SLC38A11: variants seen among roughly 807,000 people sequenced by gnomAD.
The protein encoded by SLC38A11 is putative sodium-coupled neutral amino acid transporter 11.
SLC38A11 carries 51 observed loss-of-function variants against 49.4 expected under a neutral mutation model. That is an observed-to-expected ratio of 1.03 (90% CI 0.83 to 1.30). SLC38A11 has a LOEUF of 1.30. Ranked by LOEUF, SLC38A11 falls within the 50% of genes most tolerant of loss-of-function variation. The pLI, the probability that SLC38A11 is intolerant of heterozygous loss-of-function variation, is 0.00. For missense variants in SLC38A11, 574 were observed against 556.2 expected, an observed-to-expected ratio of 1.03 and a Z score of -0.32; for synonymous variants, 203 against 192.9, an observed-to-expected ratio of 1.05 and a Z score of -0.43.
chr2:164,933,268 C>T (rs1687134166), intron 7 of SLC38A11, among the ~76,000 whole-genome samples: 1 of 151,644 alleles, frequency 6.6e-6, no homozygotes, highest in South Asian at 2.1e-4. Context: ...AGTGATAATG[C>T]CTCTGATTCT....
Position 164,955,255 on chromosome 2 carries a change from C to T in SLC38A11, c.-8G>A. ...CTGCCTCTGGTAGCCCATGGCTGAG[C>T]GGTGGTCCTCAGCAGGTGGAAGATG... On this transcript the variant is annotated 5_prime_UTR_variant, in exon 1 of 12. Transcript: ENST00000685975. The T allele has an allele frequency of 6.5e-7, 1 of 1,550,350 alleles. No individual in the cohort carries two copies.
At chr2:164,945,803 C>T (rs918163816) in intron 3 of SLC38A11, 76 bp from the exon 4 acceptor site, 7 of 1,495,586 alleles carry the variant, frequency 4.7e-6, no homozygotes, top group South Asian at 2.5e-5. Context: ...TAATTACCAT[C>T]GAGAAAAGGG....
At position 164,897,380 on chromosome 2, in the gene SLC38A11, T is replaced by A. The variant is rs1343397888; in HGVS notation, c.*1057A>T. Reference sequence around the variant, plus strand: ...AGTATCAAAACTGGGCTATTACCCTTGAACAGGGACAACTCTGATGGGTCA... The same window carrying A: ...AGTATCAAAACTGGGCTATTACCCTAGAACAGGGACAACTCTGATGGGTCA... On this transcript the variant is annotated 3_prime_UTR_variant, in exon 12 of 12. Transcript: ENST00000685975. 6.6e-6 allele frequency: 1 copy of A among 152,238 alleles called. No homozygotes were observed. Among genetic ancestry groups the A allele is most frequent in the Admixed American group, 6.5e-5 (1 of 15,270 alleles). 9.4% of individuals were successfully genotyped at this position (152,238 alleles called of 1,614,324 possible).
rs1684411682 is a variant in SLC38A11, at chr2:164,897,949, A to G, written c.*488T>C. On this transcript the variant is annotated 3_prime_UTR_variant, in exon 12 of 12. Coordinates refer to ENST00000685975, the MANE Select transcript of SLC38A11 (RefSeq NM_001351537.2). ...CCTTTAAACAAAGGATGCTGCTGAA[A>G]TTATAACGGAGAGCTCCTCTTTGTT... 1 of 152,800 alleles carries G rather than the reference A, an allele frequency of 6.5e-6. No homozygotes were observed. Among genetic ancestry groups the G allele is most frequent in the Non-Finnish European group, 1.5e-5 (1 of 68,656 alleles). 9.5% of individuals were successfully genotyped at this position (152,800 alleles called of 1,614,324 possible).
chr2:164,895,474 A>G lies in SLC38A11; in HGVS notation c.*2963T>C, dbSNP rs1025713061. Among the ~76,000 whole-genome samples the G allele has an allele frequency of 6.6e-6, 1 of 152,162 alleles. No homozygotes were observed. Among genetic ancestry groups the G allele is most frequent in the Non-Finnish European group, 1.5e-5 (1 of 68,028 alleles). On this transcript the variant is annotated 3_prime_UTR_variant, in exon 12 of 12. Coordinates refer to ENST00000685975, the MANE Select transcript of SLC38A11 (RefSeq NM_001351537.2). The stretch of plus-strand genomic sequence containing the variant: ...AAGACAGACTATTATTCCTTTCCTA[A>G]GCAAGGCTATAGCAGATAAACCAGG...
chr2:164,917,043 G>A (rs1685845668), intron 7 of SLC38A11, among the ~76,000 whole-genome samples: 2 of 152,064 alleles, frequency 1.3e-5, no homozygotes, highest in South Asian at 4.1e-4. Context: ...CATAGCACAT[G>A]TTCAATAAAC....
chr2:164,955,240 T>G lies in SLC38A11; in HGVS notation c.8A>C (p.Tyr3Ser). MG[Y>S]QRQEPVIPPQ... ...CGGGATGACAGGCTCCTGCCTCTGG[T>G]AGCCCATGGCTGAGCGGTGGTCCTC... The change falls in exon 1 of 12, where the codon TAC becomes TCC. Residue 3 changes from tyrosine (Y) to serine (S), a missense_variant. Transcript: ENST00000685975. 1 of 1,550,564 alleles carries G rather than the reference T, an allele frequency of 6.4e-7. No homozygotes were observed. The highest frequency in any genetic ancestry group is 8.7e-7 in the Non-Finnish European group (1 of 1,146,980).
At chr2:164,944,870 AC>A (rs1460119490) in intron 4 of SLC38A11, among the ~76,000 whole-genome samples, 1 of 152,184 alleles carries the variant, frequency 6.6e-6, no homozygotes, top group Non-Finnish European at 1.5e-5. Flanking sequence ...ATCTCAGAAT[AC>A]CTTTAAGTAG....
chr2:164,902,647 A>C (rs1684734706), intron 11 of SLC38A11, among the ~76,000 whole-genome samples: 1 of 152,140 alleles, frequency 6.6e-6, no homozygotes, highest in African/African-American at 2.4e-5. Context: ...TAAAATTATA[A>C]ATTGTACCTT....
Position 164,944,648 on chromosome 2 carries a change from T to G in SLC38A11, c.365-14A>C, listed in dbSNP as rs1482761132. The G allele has an allele frequency of 1.8e-6, 2 of 1,120,414 alleles. No individual in the cohort carries two copies. The highest frequency in any genetic ancestry group is 2.4e-6 in the Non-Finnish European group (2 of 842,214). 69.4% of individuals were successfully genotyped at this position (1,120,414 alleles called of 1,614,324 possible). On this transcript the variant is annotated splice_polypyrimidine_tract_variant and intron_variant, in intron 4 of 11. Coordinates refer to ENST00000685975, the MANE Select transcript of SLC38A11 (RefSeq NM_001351537.2). ...AACTTATCATTGCTAAAAACATAAT[T>G]AAAATAAGAGTCATCAATAAGCCAT... is the stretch of plus-strand genomic sequence containing the variant.
At chr2:164,909,780 A>C (rs978233524) in intron 10 of SLC38A11, among the ~76,000 whole-genome samples, 6 of 152,058 alleles carry the variant, frequency 3.9e-5, no homozygotes, top group Admixed American at 3.3e-4. Flanking sequence ...GAAATAACAG[A>C]AGGTCAGATA....
At chr2:164,925,806 T>C (rs1321232827) in intron 7 of SLC38A11, among the ~76,000 whole-genome samples, 1 of 152,154 alleles carries the variant, frequency 6.6e-6, no homozygotes, top group Non-Finnish European at 1.5e-5. Flanking sequence ...TTGGTCTTAA[T>C]AGCCCCAGTA....
At chr2:164,947,334 G>T (rs889930522) in intron 3 of SLC38A11, among the ~76,000 whole-genome samples, 1 of 151,738 alleles carries the variant, frequency 6.6e-6, no homozygotes, top group African/African-American at 2.4e-5. Flanking sequence ...GTTTTGCCAC[G>T]TTGGCCAAGA....
At chr2:164,936,320 T>C (rs1196882636) in intron 7 of SLC38A11, among the ~76,000 whole-genome samples, 1 of 152,122 alleles carries the variant, frequency 6.6e-6, no homozygotes, top group Non-Finnish European at 1.5e-5. Context: ...ATTTTCCTGA[T>C]AAACTAAGAA....
At position 164,898,587 on chromosome 2, in the gene SLC38A11, G is replaced by A. The variant is rs146184099; in HGVS notation, c.1239C>T (p.Phe413=). Residue 413 remains phenylalanine (F), a synonymous_variant, in exon 12 of 12, where the codon TTC becomes TTT. Coordinates refer to ENST00000685975, the MANE Select transcript of SLC38A11 (RefSeq NM_001351537.2). Reference sequence around the variant, plus strand: ...CTTGAGTATTTGTAATAGCCATGACGAATCCAAAAACCATCACCACAGCAC... The same window carrying A: ...CTTGAGTATTTGTAATAGCCATGACAAATCCAAAAACCATCACCACAGCAC... The part of the protein sequence containing the change: ...PIGAVVMVFG[F]VMAITNTQDC... The A allele has an allele frequency of 1.1e-5, 17 of 1,613,442 alleles. No individual in the cohort carries two copies. The African/African-American group carries it at 1.1e-4, about 10-fold the overall frequency.
intron 3 of SLC38A11, among the ~76,000 whole-genome samples, chr2:164,946,416 A>C (rs923696080): frequency 2.0e-5 from 3 of 151,912 alleles, no homozygotes; most frequent in African/African-American, 4.8e-5. Flanking sequence ...AAATACAAAA[A>C]TTAGGCAGGT....
At chr2:164,916,432 A>C (rs1685795583) in intron 7 of SLC38A11, among the ~76,000 whole-genome samples, 3 of 152,178 alleles carry the variant, frequency 2.0e-5, no homozygotes, top group African/African-American at 7.2e-5. Flanking sequence ...AGAGGTAAAC[A>C]TGAACTAATA....
rs550714705 is a variant in SLC38A11 at position 164,912,698 on chromosome 2, G to A, written c.851-950C>T. On this transcript the variant is annotated intron_variant, in intron 9 of 11. Transcript: ENST00000685975. ...ACTGATTCAAAACTGTGAAAATATG[G>A]CTATGTCCCAGAAAGAACATTAAAT... Among the ~76,000 whole-genome samples the A allele has an allele frequency of 7.2e-5, 11 of 152,036 alleles. No individual in the cohort carries two copies. In the East Asian group the frequency reaches 2.1e-3, roughly 29 times the overall value.
chr2:164,904,989 A>G (rs921061575), intron 11 of SLC38A11, among the ~76,000 whole-genome samples: 1 of 152,166 alleles, frequency 6.6e-6, no homozygotes, highest in Non-Finnish European at 1.5e-5. Context: ...ACCTCAGAGT[A>G]TTTAATCATG....
Sources: gnomAD v4.1 joint callset for allele counts (sites outside exome capture counted in the v4.1 genomes callset) on GRCh38, gnomAD v4.1.1 for gene constraint, MANE v1.5 for transcripts, NCBI Gene and HGNC (gene_info 2026-07-23, HGNC 2026-07-21) for gene names.